Variants in SLC44A1 observed in about 807,000 individuals in gnomAD.
SLC44A1 encodes solute carrier family 44 member 1, also known as choline transporter-like protein 1.
In SLC44A1, 26 loss-of-function variants were observed where a neutral mutation model predicts 79.3. The observed-to-expected ratio is 0.33, with a 90% CI of 0.24 to 0.46. SLC44A1 has a LOEUF of 0.46. Among genes scored for constraint, SLC44A1 ranks in the 20% least tolerant of loss-of-function variants. The probability of loss-of-function intolerance (pLI) is 1.00; values close to 1 mark genes in which losing one functional copy is unlikely to be tolerated. For synonymous variants in SLC44A1, 263 were observed against 286.2 expected (o/e 0.92, Z 0.82); for missense variants, 688 against 798.1 (o/e 0.86, Z 1.66).
At chr9:105,299,145 G>A in intron 1 of SLC44A1, 75 bp from the exon 2 acceptor site, 1 of 988,980 alleles carries the variant, frequency 1.0e-6, no homozygotes, top group Admixed American at 2.3e-5. Context: ...TCTAGCTATA[G>A]CTGGTGTATT....
chr9:105,405,010 G>A (rs561514081), intron 15 of SLC44A1, among the ~76,000 whole-genome samples: 5 of 152,230 alleles, frequency 3.3e-5, no homozygotes, highest in South Asian at 2.1e-4. Context: ...GAGTCTCCAC[G>A]CTAGTTTTAT....
intron 3 of SLC44A1, among the ~76,000 whole-genome samples, chr9:105,310,565 T>C (rs1024688449): frequency 1.3e-4 from 20 of 152,222 alleles, no homozygotes; most frequent in African/African-American, 4.6e-4. Flanking sequence ...ATCTAACTTG[T>C]TCTTCAGAAT....
chr9:105,278,834 C>G (rs571703867), intron 1 of SLC44A1, among the ~76,000 whole-genome samples: 3 of 152,270 alleles, frequency 2.0e-5, no homozygotes, highest in East Asian at 3.9e-4. Context: ...TTAAGGTCAT[C>G]TTATATTGCC....
intron 15 of SLC44A1, among the ~76,000 whole-genome samples, chr9:105,422,060 A>C (rs924303022): frequency 1.3e-5 from 2 of 151,926 alleles, no homozygotes; most frequent in Admixed American, 1.3e-4. Flanking sequence ...GTTAGGTTGG[A>C]CTCTCCTACC....
chr9:105,366,461 A>G (rs1827945996), intron 12 of SLC44A1, 32 bp downstream of exon 12: 1 of 957,368 alleles, frequency 1.0e-6, no homozygotes, highest in Non-Finnish European at 1.5e-6. Context: ...TCTAATATTT[A>G]CTTTCAAAGA....
intron 13 of SLC44A1, among the ~76,000 whole-genome samples, chr9:105,378,028 A>C (rs140175866): frequency 6.6e-6 from 1 of 152,190 alleles, no homozygotes; most frequent in South Asian, 2.1e-4. Flanking sequence ...TGGGTGGATC[A>C]CTTGAGGTCA....
intron 1 of SLC44A1, among the ~76,000 whole-genome samples, chr9:105,246,054 T>A (rs1278416638): frequency 3.3e-5 from 5 of 152,342 alleles, no homozygotes; most frequent in Non-Finnish European, 7.3e-5. Context: ...TAGCGTAGTT[T>A]CATTAACTGT....
At chr9:105,408,357 G>A (rs1165122709) in intron 15 of SLC44A1, among the ~76,000 whole-genome samples, 1 of 152,078 alleles carries the variant, frequency 6.6e-6, no homozygotes, top group Non-Finnish European at 1.5e-5. Flanking sequence ...AACTACATAG[G>A]TAAACATAAA....
At chr9:105,335,530 A>G (rs540268806) in intron 3 of SLC44A1, 33 bp from the exon 4 acceptor site, 2 of 1,582,642 alleles carry the variant, frequency 1.3e-6, no homozygotes, top group East Asian at 4.5e-5. Context: ...TGTTTTGTGA[A>G]GTAATATCTC....
At chr9:105,400,282 A>G (rs1331389721), downstream of SLC44A1, among the ~76,000 whole-genome samples, 1 of 151,942 alleles carries the variant, frequency 6.6e-6, no homozygotes. Flanking sequence ...CCAGATCAAA[A>G]GATCGAGACC....
intron 1 of SLC44A1, among the ~76,000 whole-genome samples, chr9:105,249,157 T>C (rs1829522443): frequency 6.6e-6 from 1 of 152,256 alleles, no homozygotes; most frequent in African/African-American, 2.4e-5. Context: ...GTAGCACTCA[T>C]ATTCTGTTTT....
At chr9:105,318,644 C>T (rs1385261553) in intron 3 of SLC44A1, among the ~76,000 whole-genome samples, 1 of 152,062 alleles carries the variant, frequency 6.6e-6, no homozygotes, top group Non-Finnish European at 1.5e-5. Flanking sequence ...ACAAAGGTAA[C>T]ATCTGTATTG....
chr9:105,387,844 G>C (rs1828671160), intron 15 of SLC44A1, among the ~76,000 whole-genome samples: 1 of 152,144 alleles, frequency 6.6e-6, no homozygotes, highest in Admixed American at 6.5e-5. Context: ...TAATTTATAG[G>C]TAATAATCCT....
intron 1 of SLC44A1, among the ~76,000 whole-genome samples, chr9:105,258,307 A>G (rs1277928395): frequency 2.0e-5 from 3 of 152,234 alleles, no homozygotes; most frequent in African/African-American, 7.2e-5. Context: ...TTGAAGACCC[A>G]GAACTGGATT....
intron 15 of SLC44A1, among the ~76,000 whole-genome samples, chr9:105,405,224 G>A (rs1165556142): frequency 6.6e-6 from 1 of 152,042 alleles, no homozygotes; most frequent in Non-Finnish European, 1.5e-5. Context: ...GGGAGGCTGA[G>A]GCAGGAGAAT....
At chr9:105,313,160 A>G (rs972629706) in intron 3 of SLC44A1, among the ~76,000 whole-genome samples, 3 of 152,126 alleles carry the variant, frequency 2.0e-5, no homozygotes, top group African/African-American at 4.8e-5. Context: ...CTCATAACTA[A>G]CCTCTGTATG....
chr9:105,270,612 TCTACC>T (rs1830055633), intron 1 of SLC44A1, among the ~76,000 whole-genome samples: 1 of 152,222 alleles, frequency 6.6e-6, no homozygotes, highest in South Asian at 2.1e-4. Context: ...TCTCTCTGGC[TCTACC>T]CTTAGATTTG....
chr9:105,375,948 C>T (rs988306878), intron 13 of SLC44A1, among the ~76,000 whole-genome samples: 1 of 151,800 alleles, frequency 6.6e-6, no homozygotes, highest in African/African-American at 2.4e-5. Flanking sequence ...TCATAGCATA[C>T]GTACCTGTTT....
chr9:105,270,742 G>A (rs1830057852), intron 1 of SLC44A1, among the ~76,000 whole-genome samples: 1 of 152,032 alleles, frequency 6.6e-6, no homozygotes, highest in Non-Finnish European at 1.5e-5. Context: ...TCTATTTTTT[G>A]TATTGGCTTT....
Sources: gnomAD v4.1 joint callset for allele counts (sites outside exome capture counted in the v4.1 genomes callset) on GRCh38, gnomAD v4.1.1 for gene constraint, MANE v1.5 for transcripts, NCBI Gene and HGNC (gene_info 2026-07-23, HGNC 2026-07-21) for gene names.